Variants in MISFA observed in about 807,000 individuals in gnomAD.
The protein encoded by MISFA is mitochondrial sheath formation-associated protein.
At chr11:18,604,844 C>G in the MISFA span, among the ~76,000 whole-genome samples, 1 of 152,170 alleles carries the variant, frequency 6.6e-6, no homozygotes, top group Non-Finnish European at 1.5e-5. Context: ...AGATTAAGAT[C>G]CAGGCCTTCT....
chr11:18,605,727 G>A, the MISFA span, among the ~76,000 whole-genome samples: 4 of 152,018 alleles, frequency 2.6e-5, no homozygotes, highest in Non-Finnish European at 2.9e-5. Context: ...GTCTCGTTCT[G>A]TCACCCAGGA....
At chr11:18,605,629 C>T in the MISFA span, among the ~76,000 whole-genome samples, 1 of 152,078 alleles carries the variant, frequency 6.6e-6, no homozygotes, top group Non-Finnish European at 1.5e-5. Context: ...GTGATTTAGA[C>T]TCAACATTTT....
At chr11:18,606,197 T>C in the MISFA span, among the ~76,000 whole-genome samples, 304 of 152,270 alleles carry the variant, frequency 2.0e-3, no homozygotes, top group African/African-American at 6.6e-3. Flanking sequence ...AACAGTTCTC[T>C]AAGCTGGTAG....
At chr11:18,604,024 T>A in the MISFA span, 1 of 271,952 alleles carries the variant, frequency 3.7e-6, no homozygotes, top group African/African-American at 2.3e-5. Flanking sequence ...CCTCCCGGGT[T>A]CATGCCATTC....
At chr11:18,601,398 T>A in the MISFA span, 13 of 398,234 alleles carry the variant, frequency 3.3e-5, no homozygotes, top group Non-Finnish European at 4.4e-5. Context: ...TCCCATCTAT[T>A]ATTTTTCTCC....
chr11:18,603,407 T>C, the MISFA span, among the ~76,000 whole-genome samples: 1 of 152,350 alleles, frequency 6.6e-6, no homozygotes, highest in African/African-American at 2.4e-5. Flanking sequence ...TGGGCAGTCT[T>C]GTCTCTGTTG....
chr11:18,602,844 G>A, the MISFA span: 2 of 314,792 alleles, frequency 6.4e-6, no homozygotes, highest in Non-Finnish European at 5.7e-6. Flanking sequence ...TTAACCCAAC[G>A]CATCTAGCAC....
the MISFA span, chr11:18,608,883 C>T: frequency 6.6e-6 from 1 of 152,140 alleles, no homozygotes; most frequent in Non-Finnish European, 1.5e-5. Flanking sequence ...TTTTGGTTTT[C>T]TGCCATTAAT....
chr11:18,607,509 G>T, the MISFA span: 6 of 152,598 alleles, frequency 3.9e-5, no homozygotes, highest in East Asian at 1.2e-3. Flanking sequence ...TTCAAATGTT[G>T]AATTAAGAAA....
chr11:18,603,056 A>G, the MISFA span: 41 of 398,778 alleles, frequency 1.0e-4, no homozygotes, highest in African/African-American at 5.5e-4. Context: ...CAGGGAATAG[A>G]ACACTGCACC....
chr11:18,601,405 C>T, the MISFA span: 1 of 397,198 alleles, frequency 2.5e-6, no homozygotes, highest in African/African-American at 2.1e-5. Context: ...TATTATTTTT[C>T]TCCTCACAAC....
At chr11:18,605,956 G>A in the MISFA span, among the ~76,000 whole-genome samples, 1 of 152,158 alleles carries the variant, frequency 6.6e-6, no homozygotes, top group Admixed American at 6.6e-5. Context: ...GGGATTACAG[G>A]TGTGAGCCAC....
At chr11:18,603,447 T>G in the MISFA span, among the ~76,000 whole-genome samples, 1 of 152,208 alleles carries the variant, frequency 6.6e-6, no homozygotes, top group Admixed American at 6.5e-5. Flanking sequence ...TGCCCAGTCT[T>G]TGATGCCATT....
chr11:18,604,816 C>G, the MISFA span, among the ~76,000 whole-genome samples: 1 of 152,150 alleles, frequency 6.6e-6, no homozygotes, highest in African/African-American at 2.4e-5. Flanking sequence ...ACACACACAG[C>G]CCTGGGCTGC....
At chr11:18,599,824 G>T in the MISFA span, 1 of 395,970 alleles carries the variant, frequency 2.5e-6, no homozygotes, top group Non-Finnish European at 4.5e-6. Context: ...AGACATGCGA[G>T]ACCTCTACCA....
At chr11:18,604,984 T>C in the MISFA span, among the ~76,000 whole-genome samples, 4 of 152,190 alleles carry the variant, frequency 2.6e-5, no homozygotes, top group Non-Finnish European at 5.9e-5. Flanking sequence ...GGCTCACACC[T>C]GTAATCCCAG....
chr11:18,604,078 C>T, the MISFA span, among the ~76,000 whole-genome samples: 1 of 151,798 alleles, frequency 6.6e-6, no homozygotes, highest in Non-Finnish European at 1.5e-5. Flanking sequence ...AGGCGCCTGC[C>T]ACCACGCCTG....
the MISFA span, chr11:18,607,348 G>A: frequency 2.0e-5 from 3 of 152,738 alleles, no homozygotes; most frequent in Non-Finnish European, 4.4e-5. Context: ...TCAAAAGCAA[G>A]TGGGACTGTG....
the MISFA span, among the ~76,000 whole-genome samples, chr11:18,600,446 A>G: frequency 6.9e-5 from 9 of 130,398 alleles, no homozygotes; most frequent in Non-Finnish European, 1.4e-4. Context: ...CAGGTGATCC[A>G]CCCACCTCGG....
Sources: gnomAD v4.1 joint callset for allele counts (sites outside exome capture counted in the v4.1 genomes callset) on GRCh38, gnomAD v4.1.1 for gene constraint, MANE v1.5 for transcripts, NCBI Gene and HGNC (gene_info 2026-07-23, HGNC 2026-07-21) for gene names.